SPAG16: variants seen among roughly 807,000 people sequenced by gnomAD.
SPAG16 encodes sperm associated antigen 16.
In SPAG16, 86 loss-of-function variants were observed where a neutral mutation model predicts 80.4. The observed-to-expected ratio is 1.07, with a 90% CI of 0.90 to 1.28. The LOEUF (loss-of-function observed/expected upper bound fraction) is 1.28. Ranked by LOEUF, SPAG16 falls within the 50% of genes most tolerant of loss-of-function variation. SPAG16 has a pLI of 0.00. For synonymous variants in SPAG16, 294 were observed against 265.9 expected, an observed-to-expected ratio of 1.11 and a Z score of -1.03; for missense variants, 870 against 765.3, an observed-to-expected ratio of 1.14 and a Z score of -1.61.
chr2:213,543,832 A>C (rs2076530932), intron 10 of SPAG16, among the ~76,000 whole-genome samples: 1 of 152,096 alleles, frequency 6.6e-6, no homozygotes, highest in African/African-American at 2.4e-5. Context: ...TTCCTAAAAA[A>C]CACTGTATTT....
At chr2:213,364,195 C>T in intron 8 of SPAG16, 50 bp downstream of exon 8, 1 of 1,117,460 alleles carries the variant, frequency 8.9e-7, no homozygotes, top group Non-Finnish European at 1.2e-6. Flanking sequence ...TTGGTGATTT[C>T]TCAACCTTAT....
chr2:214,185,155 T>C (rs1174019395), intron 15 of SPAG16, among the ~76,000 whole-genome samples: 1 of 152,108 alleles, frequency 6.6e-6, no homozygotes, highest in African/African-American at 2.4e-5. Flanking sequence ...GTGCTCGTTC[T>C]AGAGGCTCAC....
chr2:213,534,541 C>T (rs967373701), intron 10 of SPAG16, among the ~76,000 whole-genome samples: 5 of 152,114 alleles, frequency 3.3e-5, no homozygotes, highest in South Asian at 4.1e-4. Context: ...AAATGGACTA[C>T]AACTCAGGAT....
chr2:213,527,379 T>A (rs2075924770), intron 10 of SPAG16, among the ~76,000 whole-genome samples: 3 of 152,196 alleles, frequency 2.0e-5, no homozygotes, highest in Admixed American at 1.3e-4. Flanking sequence ...AATGTTGTTC[T>A]CTCTCTGCTT....
At position 213,919,121 on chromosome 2, in the gene SPAG16, A is replaced by G. The variant is rs572616101; in HGVS notation, c.1215-10839A>G. The stretch of plus-strand genomic sequence containing the variant: ...TTTGGATTAATTAATCTTTTGAGTG[A>G]TTTTTCATATCTCAATGTCCTTAGT... On this transcript the variant is annotated intron_variant, in intron 11 of 15. Coordinates refer to ENST00000331683, the MANE Select transcript of SPAG16 (RefSeq NM_024532.5). Among the ~76,000 whole-genome samples the G allele has an allele frequency of 2.0e-5, 3 of 151,536 alleles. No homozygotes were observed. The East Asian group carries it at 5.8e-4, about 29-fold the overall frequency.
chr2:214,353,028 T>C (rs926666567), intron 15 of SPAG16, among the ~76,000 whole-genome samples: 1 of 152,118 alleles, frequency 6.6e-6, no homozygotes, highest in Non-Finnish European at 1.5e-5. Context: ...CTTTAATACA[T>C]TGAATGTGTA....
At chr2:213,816,327 A>G (rs138608208) in intron 10 of SPAG16, among the ~76,000 whole-genome samples, 3 of 152,128 alleles carry the variant, frequency 2.0e-5, no homozygotes, top group Admixed American at 6.5e-5. Flanking sequence ...TGATGACCCT[A>G]TTGATTTTGT....
chr2:213,852,111 C>T (rs1304689790), intron 10 of SPAG16, among the ~76,000 whole-genome samples: 4 of 152,134 alleles, frequency 2.6e-5, no homozygotes, highest in Non-Finnish European at 5.9e-5. Context: ...CACCTTGGCA[C>T]TTTTTAAGTA....
chr2:213,501,199 A>C (rs1417970582), intron 10 of SPAG16, among the ~76,000 whole-genome samples: 1 of 152,332 alleles, frequency 6.6e-6, no homozygotes, highest in East Asian at 1.9e-4. Context: ...ATTCTTGCAG[A>C]TGCCATTGAC....
intron 15 of SPAG16, among the ~76,000 whole-genome samples, chr2:214,324,355 C>T (rs189217798): frequency 3.5e-3 from 527 of 152,192 alleles, no homozygotes; most frequent in Non-Finnish European, 6.0e-3. Context: ...TGCAGGATAA[C>T]GAAAATGGAG....
intron 9 of SPAG16, among the ~76,000 whole-genome samples, chr2:213,484,333 A>G (rs943019917): frequency 2.0e-5 from 3 of 152,220 alleles, no homozygotes; most frequent in Non-Finnish European, 4.4e-5. Context: ...CAAGTAATTG[A>G]ATAGATATAT....
At chr2:214,340,731 C>A (rs1697620235) in intron 15 of SPAG16, among the ~76,000 whole-genome samples, 1 of 152,082 alleles carries the variant, frequency 6.6e-6, no homozygotes, top group South Asian at 2.1e-4. Flanking sequence ...TGCTTAGGGC[C>A]CTATATGGCT....
chr2:213,439,775 C>G (rs1317112215), intron 9 of SPAG16, among the ~76,000 whole-genome samples: 2 of 152,090 alleles, frequency 1.3e-5, no homozygotes, highest in Non-Finnish European at 2.9e-5. Flanking sequence ...TAGATAAACT[C>G]AGAATTAATA....
intron 1 of SPAG16, 192 bp downstream of exon 1, chr2:213,284,811 T>G (rs764268387): frequency 2.9e-5 from 22 of 769,966 alleles, no homozygotes; most frequent in Non-Finnish European, 4.4e-5. Context: ...TCGCCCTTAG[T>G]AGCCCAGGGT....
intron 12 of SPAG16, among the ~76,000 whole-genome samples, chr2:213,966,135 T>C (rs1425318648): frequency 2.0e-5 from 3 of 152,152 alleles, no homozygotes. Context: ...GAAGAAACCA[T>C]AGCACTAGAC....
At chr2:213,833,362 C>G (rs1281703435) in intron 10 of SPAG16, among the ~76,000 whole-genome samples, 3 of 129,184 alleles carry the variant, frequency 2.3e-5, no homozygotes, top group African/African-American at 9.0e-5. Flanking sequence ...ATATTTTATA[C>G]CTACAAGTGG....
chr2:214,055,248 A>T (rs568170422), intron 13 of SPAG16, among the ~76,000 whole-genome samples: 15 of 152,166 alleles, frequency 9.9e-5, no homozygotes, highest in Non-Finnish European at 1.5e-5. Context: ...CTACATATTG[A>T]TGATTTCCAT....
chr2:213,301,862 A>C (rs1241809728), intron 3 of SPAG16, among the ~76,000 whole-genome samples: 1 of 152,078 alleles, frequency 6.6e-6, no homozygotes, highest in Non-Finnish European at 1.5e-5. Context: ...TTTTTGCCTC[A>C]GATGTTTTCT....
intron 10 of SPAG16, among the ~76,000 whole-genome samples, chr2:213,547,313 C>T (rs1400779192): frequency 2.6e-5 from 4 of 151,826 alleles, no homozygotes; most frequent in Admixed American, 6.6e-5. Context: ...TTTATTTTAT[C>T]GAAAGAGAAA....
Sources: gnomAD v4.1 joint callset for allele counts (sites outside exome capture counted in the v4.1 genomes callset) on GRCh38, gnomAD v4.1.1 for gene constraint, MANE v1.5 for transcripts, NCBI Gene and HGNC (gene_info 2026-07-23, HGNC 2026-07-21) for gene names.